CLDN10: variants seen among roughly 807,000 people sequenced by gnomAD.
CLDN10 encodes the protein claudin-10.
Under a neutral mutation model 22.9 loss-of-function variants are expected in CLDN10, and 15 were observed. The observed-to-expected ratio is 0.65, with a 90% CI of 0.44 to 1.01. The LOEUF (loss-of-function observed/expected upper bound fraction) is 1.01. Among genes scored for constraint, CLDN10 ranks in the 50% least tolerant of loss-of-function variants. The pLI is 0.00. For missense variants in CLDN10, 247 were observed against 287.8 expected (o/e 0.86, Z 1.03); for synonymous variants, 114 against 111.4 (o/e 1.02, Z -0.15).
rs2043987606 is a variant in CLDN10, at chr13:95,579,696, G to A, written c.*1682G>A. 6.6e-6 allele frequency: 1 copy of A among 152,030 alleles called. No individual in the cohort carries two copies. The highest frequency in any genetic ancestry group is 1.5e-5 in the Non-Finnish European group (1 of 68,004). 9.4% of individuals were successfully genotyped at this position (152,030 alleles called of 1,614,324 possible). A position where few individuals can be genotyped will look rare whatever the true frequency, so the allele number is the denominator to read the frequency against. ...ATCACATTGTTCAGAGGTGCTCAAT[G>A]GAAAGAAAAGGAAATGAACAAGTTT... On this transcript the variant is annotated 3_prime_UTR_variant, in exon 5 of 5. Coordinates refer to ENST00000299339, the MANE Select transcript of CLDN10 (RefSeq NM_006984.5).
At chr13:95,514,396 A>AACCAC (rs2043139564) in intron 1 of CLDN10, among the ~76,000 whole-genome samples, 1 of 71,596 alleles carries the variant, frequency 1.4e-5, no homozygotes, top group East Asian at 4.9e-4. Flanking sequence ...CACCTACCCC[A>AACCAC]CCCACCCCAC....
intron 1 of CLDN10, among the ~76,000 whole-genome samples, chr13:95,524,718 T>C (rs1457781044): frequency 6.6e-6 from 1 of 152,208 alleles, no homozygotes; most frequent in East Asian, 1.9e-4. Flanking sequence ...AGGTTTAACT[T>C]TTTGAGAACC....
Position 95,480,730 on chromosome 13 carries a change from G to A in CLDN10, c.214+46683G>A, listed in dbSNP as rs111702664. Among the ~76,000 whole-genome samples, 455 of 152,218 alleles carry A rather than the reference G, an allele frequency of 3.0e-3. 4 individuals carry two copies. The highest frequency in any genetic ancestry group is 9.7e-3 in the African/African-American group (404 of 41,516). On this transcript the variant is annotated intron_variant, in intron 1 of 4. Coordinates refer to the CLDN10 transcript ENST00000376873. ...TTTGCATTTTAAGCAAACAACCCAC[G>A]TGAATTCTGCTGCATGGGGTCCTCA...
intron 1 of CLDN10, among the ~76,000 whole-genome samples, chr13:95,540,221 AC>A (rs1271661649): frequency 6.6e-6 from 1 of 151,894 alleles, no homozygotes; most frequent in African/African-American, 2.4e-5. Context: ...AATCGCTTGG[AC>A]CCGGGAGATG....
intron 1 of CLDN10, among the ~76,000 whole-genome samples, chr13:95,447,528 G>T (rs2042392401): frequency 6.6e-6 from 1 of 152,150 alleles, no homozygotes; most frequent in South Asian, 2.1e-4. Flanking sequence ...AATCCAGCAT[G>T]CCTGGTGGCT....
In CLDN10 at chr13:95,433,761, T is replaced by C. The variant is rs918845225; in HGVS notation, c.-73T>C. 12 of 1,505,622 alleles carry C rather than the reference T, an allele frequency of 8.0e-6. No homozygotes were observed. In the Admixed American group the frequency reaches 1.4e-4, roughly 17 times the overall value. 93.3% of individuals were successfully genotyped at this position (1,505,622 alleles called of 1,614,324 possible). ...GCTGGCTGTGACGCTTGTCAAAGTG[T>C]TCTCTATCGGCTGCATGCCTAGACC... On this transcript the variant is annotated 5_prime_UTR_variant, in exon 1 of 5. Transcript: ENST00000376873.
intron 1 of CLDN10, among the ~76,000 whole-genome samples, chr13:95,528,937 C>G (rs1429215545): frequency 6.6e-6 from 1 of 152,188 alleles, no homozygotes; most frequent in African/African-American, 2.4e-5. Flanking sequence ...AATTGGTTGT[C>G]TACAGAGAGT....
chr13:95,562,897 C>A (rs1323930952), intron 3 of CLDN10, among the ~76,000 whole-genome samples: 1 of 152,170 alleles, frequency 6.6e-6, no homozygotes, highest in Non-Finnish European at 1.5e-5. Context: ...TGACTGTTTT[C>A]TGTCCTTACT....
intron 1 of CLDN10, among the ~76,000 whole-genome samples, chr13:95,460,476 GA>G (rs2042525577): frequency 2.0e-5 from 3 of 152,134 alleles, no homozygotes; most frequent in Non-Finnish European, 4.4e-5. Context: ...AATCATGGTA[GA>G]AGGCGAAAAA....
intron 1 of CLDN10, among the ~76,000 whole-genome samples, chr13:95,486,992 T>C (rs976106622): frequency 2.0e-5 from 3 of 152,232 alleles, no homozygotes; most frequent in Non-Finnish European, 4.4e-5. Flanking sequence ...GTTGTCGCTG[T>C]GCTATCGTCT....
At chr13:95,434,771 A>G (rs1461190434) in intron 1 of CLDN10, among the ~76,000 whole-genome samples, 1 of 152,108 alleles carries the variant, frequency 6.6e-6, no homozygotes, top group East Asian at 1.9e-4. Flanking sequence ...TGAGCATTCC[A>G]AAAGGCCTGT....
chr13:95,570,359 C>A (rs1013542977), intron 3 of CLDN10, among the ~76,000 whole-genome samples: 2 of 152,178 alleles, frequency 1.3e-5, no homozygotes, highest in Non-Finnish European at 2.9e-5. Context: ...TGGTGCTAAG[C>A]AACTGATTTG....
chr13:95,571,163 TGGTA>T (rs2043853987), intron 3 of CLDN10, among the ~76,000 whole-genome samples: 1 of 151,924 alleles, frequency 6.6e-6, no homozygotes. Flanking sequence ...CAGTGACACA[TGGTA>T]GGTAATCAAT....
At chr13:95,564,163 C>T (rs1462549504) in intron 3 of CLDN10, among the ~76,000 whole-genome samples, 2 of 152,216 alleles carry the variant, frequency 1.3e-5, no homozygotes, top group Non-Finnish European at 2.9e-5. Flanking sequence ...AATCAGCTGG[C>T]ATAAGAATTA....
chr13:95,447,601 C>T (rs2042393120), intron 1 of CLDN10, among the ~76,000 whole-genome samples: 1 of 152,168 alleles, frequency 6.6e-6, no homozygotes, highest in African/African-American at 2.4e-5. Flanking sequence ...TGCCTGATCC[C>T]CAGGGCCTCT....
intron 1 of CLDN10, among the ~76,000 whole-genome samples, chr13:95,556,613 A>G (rs1045309342): frequency 1.3e-5 from 2 of 152,210 alleles, no homozygotes; most frequent in Non-Finnish European, 2.9e-5. Context: ...TTTACAGATG[A>G]GAGAACTGAG....
chr13:95,458,772 C>T (rs2042507243), intron 1 of CLDN10, among the ~76,000 whole-genome samples: 1 of 152,204 alleles, frequency 6.6e-6, no homozygotes, highest in African/African-American at 2.4e-5. Flanking sequence ...CATGTCCTCA[C>T]ATTTCAAAAC....
At chr13:95,463,573 T>TACTCCC (rs2042558076) in intron 1 of CLDN10, among the ~76,000 whole-genome samples, 1 of 151,762 alleles carries the variant, frequency 6.6e-6, no homozygotes, top group East Asian at 1.9e-4. Flanking sequence ...AATCAAGCAA[T>TACTCCC]ACTCCCACTT....
chr13:95,515,280 C>T (rs2043152131), intron 1 of CLDN10, among the ~76,000 whole-genome samples: 1 of 152,140 alleles, frequency 6.6e-6, no homozygotes, highest in Admixed American at 6.5e-5. Flanking sequence ...CTCACTGCAA[C>T]CTCCACTTCC....
Sources: allele counts gnomAD v4.1 joint callset (sites outside exome capture counted in the v4.1 genomes callset), GRCh38; gene constraint gnomAD v4.1.1; transcripts MANE v1.5; gene names NCBI Gene and HGNC (gene_info 2026-07-23, HGNC 2026-07-21).